Variants in HHAT observed in about 807,000 individuals in gnomAD.
HHAT encodes hedgehog acyltransferase.
HHAT carries 47 observed loss-of-function variants against 70.8 expected under a neutral mutation model. The observed-to-expected ratio is 0.66, with a 90% CI of 0.53 to 0.85. HHAT has a LOEUF of 0.85. Among genes scored for constraint, HHAT ranks in the 40% least tolerant of loss-of-function variants. HHAT has a pLI of 0.00. For synonymous variants in HHAT, 228 were observed against 247.6 expected, an observed-to-expected ratio of 0.92 and a Z score of 0.74; for missense variants, 609 against 604.8, an observed-to-expected ratio of 1.01 and a Z score of -0.07.
intron 8 of HHAT, among the ~76,000 whole-genome samples, chr1:210,473,125 G>C (rs2094235730): frequency 6.6e-6 from 1 of 152,204 alleles, no homozygotes; most frequent in Admixed American, 6.5e-5. Flanking sequence ...CCCTGCAAGA[G>C]ACAGCTTTGC....
intron 8 of HHAT, among the ~76,000 whole-genome samples, chr1:210,505,502 G>A (rs2148559114): frequency 6.6e-6 from 1 of 152,316 alleles, no homozygotes; most frequent in Non-Finnish European, 1.5e-5. Flanking sequence ...AAGTGAGGAG[G>A]AGGTTAGGGC....
intron 10 of HHAT, among the ~76,000 whole-genome samples, chr1:210,600,777 A>G (rs370297653): frequency 2.6e-5 from 4 of 152,180 alleles, no homozygotes; most frequent in East Asian, 3.9e-4. Context: ...CTTCATGCCA[A>G]TTCTCAGTTT....
In HHAT at chr1:210,503,309, A is replaced by G. The variant is rs57660500; in HGVS notation, c.1008-9844A>G. The stretch of plus-strand genomic sequence containing the variant: ...GCCTTGCCCATGCTCCTAGCAAGGC[A>G]GGGGTGAGGTTTAATTGTCCTACTA... On this transcript the variant is annotated intron_variant, in intron 8 of 11. Coordinates refer to ENST00000261458, the MANE Select transcript of HHAT (RefSeq NM_018194.6). Among the ~76,000 whole-genome samples, 1,126 of 152,280 alleles carry G rather than the reference A, an allele frequency of 7.4e-3. 11 individuals are homozygous for G. The highest frequency in any genetic ancestry group is 0.024 in the African/African-American group (996 of 41,556).
At chr1:210,655,609 A>C (rs528078673) in intron 11 of HHAT, among the ~76,000 whole-genome samples, 1 of 152,336 alleles carries the variant, frequency 6.6e-6, no homozygotes, top group East Asian at 1.9e-4. Context: ...TGATTGTGGC[A>C]ACAGAGGTTC....
chr1:210,608,442 G>C (rs1665956169), intron 10 of HHAT, among the ~76,000 whole-genome samples: 1 of 152,134 alleles, frequency 6.6e-6, no homozygotes, highest in Non-Finnish European at 1.5e-5. Context: ...GATTATTCCA[G>C]TTTTAAATAC....
chr1:210,480,259 G>A (rs570154897), intron 8 of HHAT, among the ~76,000 whole-genome samples: 15 of 152,290 alleles, frequency 9.8e-5, no homozygotes, highest in Non-Finnish European at 2.1e-4. Flanking sequence ...CCTCACCTCC[G>A]TATTGAAATC....
intron 3 of HHAT, among the ~76,000 whole-genome samples, chr1:210,376,591 C>T (rs1186039673): frequency 2.6e-5 from 4 of 152,138 alleles, no homozygotes; most frequent in Admixed American, 6.5e-5. Flanking sequence ...GCAGTGTGCC[C>T]TGAGGATGTG....
intron 9 of HHAT, among the ~76,000 whole-genome samples, chr1:210,567,501 C>G (rs1655060816): frequency 6.6e-6 from 1 of 152,182 alleles, no homozygotes; most frequent in Non-Finnish European, 1.5e-5. Context: ...TCATTTATCT[C>G]TTTTCTTTAT....
At chr1:210,665,359 T>C (rs1180807070) in intron 11 of HHAT, among the ~76,000 whole-genome samples, 9 of 152,084 alleles carry the variant, frequency 5.9e-5, no homozygotes, top group African/African-American at 2.2e-4. Context: ...TTCTTAGGAG[T>C]GATGGGAATC....
chr1:210,602,391 C>A (rs6693576), intron 10 of HHAT, among the ~76,000 whole-genome samples: 89,197 of 151,848 alleles, frequency 0.59, 26,835 homozygotes, highest in African/African-American at 0.71. Context: ...AGAGCCAAGG[C>A]TTGAATAGCA....
intron 7 of HHAT, among the ~76,000 whole-genome samples, chr1:210,422,487 T>A (rs537877147): frequency 7.2e-5 from 11 of 152,326 alleles, no homozygotes; most frequent in African/African-American, 2.2e-4. Context: ...CTTCCACCTA[T>A]GAGTGAGAAC....
rs554437933 is a variant in HHAT at position 210,424,232 on chromosome 1, G to T, written c.856+5907G>T. 1.3e-4 allele frequency among the ~76,000 whole-genome samples: 20 copies of T among 152,118 alleles called. No individual in the cohort carries two copies. In the South Asian group the frequency reaches 4.2e-3, roughly 32 times the overall value. On this transcript the variant is annotated intron_variant, in intron 7 of 11. Transcript: ENST00000261458. ...TTCGTATTTCTTTCGTCAGCGTTTTGCAGTTTTCCTTGTGAAGGTCTTCAC... is the reference window on the plus strand; with the variant it reads ...TTCGTATTTCTTTCGTCAGCGTTTTTCAGTTTTCCTTGTGAAGGTCTTCAC...
chr1:210,366,393 A>G (rs560130028), intron 3 of HHAT, among the ~76,000 whole-genome samples: 1 of 152,308 alleles, frequency 6.6e-6, no homozygotes, highest in South Asian at 2.1e-4. Flanking sequence ...GCACTTGGGA[A>G]GGCTAAGACC....
At chr1:210,434,566 A>T (rs1293145668) in intron 7 of HHAT, among the ~76,000 whole-genome samples, 1 of 151,822 alleles carries the variant, frequency 6.6e-6, no homozygotes, top group East Asian at 1.9e-4. Context: ...TCTCTTATAC[A>T]GCTGAAAATA....
intron 9 of HHAT, among the ~76,000 whole-genome samples, chr1:210,531,044 A>G (rs1348781851): frequency 1.3e-5 from 2 of 152,170 alleles, no homozygotes; most frequent in African/African-American, 4.8e-5. Context: ...ACATACCTAT[A>G]TGGTATAGCC....
chr1:210,546,395 A>G (rs981846413), intron 9 of HHAT, among the ~76,000 whole-genome samples: 1 of 152,228 alleles, frequency 6.6e-6, no homozygotes, highest in African/African-American at 2.4e-5. Flanking sequence ...GAAGGTTGGC[A>G]TGTGATTCCA....
intron 7 of HHAT, among the ~76,000 whole-genome samples, chr1:210,455,543 G>A (rs2093846589): frequency 6.6e-6 from 1 of 152,022 alleles, no homozygotes; most frequent in African/African-American, 2.4e-5. Context: ...CCTCAGTTTT[G>A]TGTGAATCTA....
At chr1:210,644,135 A>C (rs1282593186) in intron 11 of HHAT, among the ~76,000 whole-genome samples, 1 of 152,214 alleles carries the variant, frequency 6.6e-6, no homozygotes, top group East Asian at 1.9e-4. Flanking sequence ...TTTGGAAAAG[A>C]CACTGAGGTC....
At chr1:210,444,739 C>T (rs893266941) in intron 7 of HHAT, among the ~76,000 whole-genome samples, 2 of 152,080 alleles carry the variant, frequency 1.3e-5, no homozygotes, top group African/African-American at 2.4e-5. Context: ...GCCTCAAACT[C>T]CTGGATTTGA....
Sources: gnomAD v4.1 joint callset for allele counts (sites outside exome capture counted in the v4.1 genomes callset) on GRCh38, gnomAD v4.1.1 for gene constraint, MANE v1.5 for transcripts, NCBI Gene and HGNC (gene_info 2026-07-23, HGNC 2026-07-21) for gene names.